VPS13B: variants seen among roughly 807,000 people sequenced by gnomAD.
VPS13B encodes intermembrane lipid transfer protein VPS13B.
In VPS13B, 285 loss-of-function variants were observed where a neutral mutation model predicts 426.4. The observed-to-expected ratio is 0.67, with a 90% confidence interval of 0.61 to 0.74. The LOEUF (loss-of-function observed/expected upper bound fraction) is 0.74. Ranked by LOEUF, VPS13B falls within the 30% of genes least tolerant of loss-of-function variation. The probability of loss-of-function intolerance (pLI) is 0.00; values close to 1 mark genes in which losing one functional copy is unlikely to be tolerated. For missense variants in VPS13B, 4,537 were observed against 4,782.6 expected (o/e 0.95, Z 1.51); for synonymous variants, 1,676 against 1,676.4 (o/e 1.00, Z 0.01).
At chr8:99,576,489 A>G (rs917008510) in intron 32 of VPS13B, among the ~76,000 whole-genome samples, 4 of 152,036 alleles carry the variant, frequency 2.6e-5, no homozygotes, top group Non-Finnish European at 5.9e-5. Context: ...TGGAGGAAAA[A>G]ATTGTTTAAC....
At chr8:99,827,187 A>G (rs536315398) in intron 51 of VPS13B, among the ~76,000 whole-genome samples, 14 of 152,074 alleles carry the variant, frequency 9.2e-5, no homozygotes, top group Non-Finnish European at 1.6e-4. Flanking sequence ...TTGGCTGTGA[A>G]TCTGTCTGGT....
At chr8:99,197,973 CA>C (rs1211055356) in intron 17 of VPS13B, among the ~76,000 whole-genome samples, 1 of 151,968 alleles carries the variant, frequency 6.6e-6, no homozygotes, top group Non-Finnish European at 1.5e-5. Flanking sequence ...ATTTGAATGG[CA>C]AAAAACACGA....
At chr8:99,145,884 T>G (rs1389428139) in intron 13 of VPS13B, among the ~76,000 whole-genome samples, 9 of 152,228 alleles carry the variant, frequency 5.9e-5, no homozygotes, top group Non-Finnish European at 1.5e-5. Context: ...CAAGCTGTTT[T>G]CAGGAGTGGC....
chr8:99,116,332 T>C (rs1026033794), intron 7 of VPS13B, among the ~76,000 whole-genome samples: 2 of 149,596 alleles, frequency 1.3e-5, no homozygotes, highest in African/African-American at 4.9e-5. Flanking sequence ...GTGCCCAGCC[T>C]ACACTACTTT....
chr8:99,683,307 C>T (rs187216959), intron 35 of VPS13B, among the ~76,000 whole-genome samples: 23 of 152,256 alleles, frequency 1.5e-4, no homozygotes, highest in Admixed American at 1.2e-3. Context: ...GTTATTCTTT[C>T]TCAAAAATGT....
intron 50 of VPS13B, 147 bp from the exon 51 acceptor site, chr8:99,823,685 C>A: frequency 6.2e-6 from 5 of 811,716 alleles, no homozygotes. Context: ...ATGAAAGGAA[C>A]GCCATTAAAT....
chr8:99,871,811 G>T, intron 61 of VPS13B, 114 bp downstream of exon 61: 3 of 1,570,364 alleles, frequency 1.9e-6, no homozygotes, highest in South Asian at 1.1e-5. Flanking sequence ...GGCTGCTGGA[G>T]ACCAAGGAGA....
At position 99,835,262 on chromosome 8, in the gene VPS13B, G is replaced by C. The variant is rs1346349725; in HGVS notation, c.9680G>C (p.Ser3227Thr). The C allele has an allele frequency of 6.2e-7, 1 of 1,613,754 alleles. No homozygotes were observed. Among genetic ancestry groups the C allele is most frequent in the Non-Finnish European group, 8.5e-7 (1 of 1,179,860 alleles). ...TATTTAACCCTCTCAGAAGACCCTAGTCCTCGAGTAATTATCCACAATAGA... is the reference window on the plus strand; with the variant it reads ...TATTTAACCCTCTCAGAAGACCCTACTCCTCGAGTAATTATCCACAATAGA... ...VTYLTLSEDPSPRVIIHNRCP... is the reference protein window; with the variant it reads ...VTYLTLSEDPTPRVIIHNRCP... Residue 3227 changes from serine to threonine, a missense_variant, in exon 53 of 62, where the codon AGT (serine) becomes ACT (threonine). By Grantham distance (58) the Ser-to-Thr change is moderately conservative. Coordinates refer to ENST00000357162, the MANE Select transcript of VPS13B (RefSeq NM_152564.5).
intron 42 of VPS13B, among the ~76,000 whole-genome samples, chr8:99,782,995 T>G (rs1319143649): frequency 1.3e-5 from 2 of 152,104 alleles, no homozygotes; most frequent in Non-Finnish European, 2.9e-5. Context: ...CTCAAGGGCC[T>G]CTGGAAGAAT....
intron 19 of VPS13B, among the ~76,000 whole-genome samples, chr8:99,344,350 C>T (rs1017600651): frequency 5.3e-5 from 8 of 152,134 alleles, no homozygotes; most frequent in African/African-American, 1.9e-4. Context: ...TGTAGAACTA[C>T]TAGGAGAAAA....
intron 30 of VPS13B, 54 bp downstream of exon 30, chr8:99,521,064 A>G: frequency 2.9e-6 from 4 of 1,394,494 alleles, no homozygotes; most frequent in Non-Finnish European, 4.1e-6. Context: ...CTGCAAACAC[A>G]TATAGTGGTC....
chr8:99,848,987 G>A (rs1047875174), intron 55 of VPS13B, 93 bp downstream of exon 55: 17 of 1,186,846 alleles, frequency 1.4e-5, no homozygotes, highest in African/African-American at 3.0e-5. Context: ...TCCACATAAT[G>A]TATTAAAGCT....
intron 33 of VPS13B, among the ~76,000 whole-genome samples, chr8:99,597,817 A>G (rs546576753): frequency 2.0e-5 from 3 of 152,126 alleles, no homozygotes; most frequent in Non-Finnish European, 2.9e-5. Context: ...AGCCAAGCAC[A>G]ATCCTTACTG....
At chr8:99,197,751 C>T (rs74864785) in intron 17 of VPS13B, among the ~76,000 whole-genome samples, 8,548 of 152,162 alleles carry the variant, frequency 0.056, 277 homozygotes, top group African/African-American at 0.089. Flanking sequence ...ACTTCAGCTG[C>T]ATTTGATAGG....
intron 14 of VPS13B, 22 bp downstream of exon 14, chr8:99,148,032 A>AT (rs763017430): frequency 6.3e-6 from 10 of 1,586,004 alleles, no homozygotes; most frequent in Non-Finnish European, 6.9e-6. Context: ...GATTTGCTAT[A>AT]TTTTTTTTCC....
intron 8 of VPS13B, among the ~76,000 whole-genome samples, chr8:99,125,785 G>T (rs1848164534): frequency 6.6e-6 from 1 of 152,142 alleles, no homozygotes; most frequent in African/African-American, 2.4e-5. Flanking sequence ...ATTATATTAT[G>T]TATATTTTAT....
intron 30 of VPS13B, among the ~76,000 whole-genome samples, chr8:99,532,227 T>G (rs943534079): frequency 2.0e-5 from 3 of 152,152 alleles, no homozygotes; most frequent in Admixed American, 6.5e-5. Context: ...ATTGTGAGGT[T>G]TTTCAACCGT....
At chr8:99,864,613 T>C (rs1817001538) in intron 58 of VPS13B, among the ~76,000 whole-genome samples, 1 of 152,216 alleles carries the variant, frequency 6.6e-6, no homozygotes, top group East Asian at 1.9e-4. Flanking sequence ...GATATTCTAG[T>C]TGCTCAGTTT....
intron 2 of VPS13B, among the ~76,000 whole-genome samples, chr8:99,027,895 C>T (rs1046352228): frequency 3.9e-5 from 6 of 152,152 alleles, no homozygotes; most frequent in Non-Finnish European, 5.9e-5. Flanking sequence ...TGCGGCCTTC[C>T]GCAGTGTTTG....
Sources: allele counts gnomAD v4.1 joint callset (sites outside exome capture counted in the v4.1 genomes callset), GRCh38; gene constraint gnomAD v4.1.1; transcripts MANE v1.5; gene names NCBI Gene and HGNC (gene_info 2026-07-23, HGNC 2026-07-21).